Variants in DGKB observed in about 807,000 individuals in gnomAD.
The protein encoded by DGKB is 90 kDa diacylglycerol kinase.
DGKB carries 67 observed loss-of-function variants against 114.3 expected under a neutral mutation model. The ratio of observed to expected loss-of-function variants is 0.59; its 90% CI spans 0.48 to 0.72. The LOEUF is 0.72. DGKB is among the 30% of genes least tolerant of loss of function. The probability of loss-of-function intolerance (pLI) is 0.00; values close to 1 mark genes in which losing one functional copy is unlikely to be tolerated. For synonymous variants in DGKB, 398 were observed against 323.1 expected (o/e 1.23, Z -2.49); for missense variants, 907 against 975.2 (o/e 0.93, Z 0.93).
chr7:14,543,370 G>C (rs1373000644), intron 20 of DGKB, among the ~76,000 whole-genome samples: 1 of 151,984 alleles, frequency 6.6e-6, no homozygotes, highest in African/African-American at 2.4e-5. Context: ...CCTGAACTTA[G>C]GGAGGTTGAG....
intron 1 of DGKB, among the ~76,000 whole-genome samples, chr7:14,896,262 C>T (rs1782083507): frequency 6.6e-6 from 1 of 151,648 alleles, no homozygotes; most frequent in African/African-American, 2.4e-5. Flanking sequence ...CTTTCCTCAT[C>T]ATTTTAGGTA....
intron 1 of DGKB, among the ~76,000 whole-genome samples, chr7:14,951,853 C>G (rs548707081): frequency 6.6e-6 from 1 of 151,582 alleles, no homozygotes; most frequent in South Asian, 2.1e-4. Flanking sequence ...AAAAACAAAA[C>G]AAGTTAAAAA....
intron 23 of DGKB, among the ~76,000 whole-genome samples, chr7:14,292,170 A>G (rs553878291): frequency 6.6e-6 from 1 of 152,314 alleles, no homozygotes; most frequent in Admixed American, 6.5e-5. Flanking sequence ...GGGAAAATAC[A>G]AATTTTAAGG....
At chr7:14,971,831 C>T (rs982304411) in intron 1 of DGKB, among the ~76,000 whole-genome samples, 2 of 148,954 alleles carry the variant, frequency 1.3e-5, no homozygotes, top group South Asian at 2.1e-4. Flanking sequence ...GGCACAATCT[C>T]GGCTCACTGC....
At chr7:14,511,467 T>TTAGG (rs1787968544) in intron 20 of DGKB, among the ~76,000 whole-genome samples, 1 of 152,102 alleles carries the variant, frequency 6.6e-6, no homozygotes, top group Non-Finnish European at 1.5e-5. Flanking sequence ...CTGAAGAGAG[T>TTAGG]TAGGGTCTTG....
chr7:14,531,963 C>A (rs12673540), intron 20 of DGKB, among the ~76,000 whole-genome samples: 6 of 150,480 alleles, frequency 4.0e-5, no homozygotes, highest in African/African-American at 1.2e-4. Flanking sequence ...TAATTAGATA[C>A]CAATATGCAA....
At chr7:14,292,413 T>C (rs774575340) in intron 23 of DGKB, among the ~76,000 whole-genome samples, 2 of 152,174 alleles carry the variant, frequency 1.3e-5, no homozygotes, top group Non-Finnish European at 2.9e-5. Flanking sequence ...AATACTCCCA[T>C]TCTGTGTCAG....
intron 21 of DGKB, among the ~76,000 whole-genome samples, chr7:14,374,202 G>A (rs1196682631): frequency 6.6e-6 from 1 of 152,082 alleles, no homozygotes; most frequent in African/African-American, 2.4e-5. Flanking sequence ...CATACTTGAT[G>A]ACCTACAAAG....
intron 21 of DGKB, among the ~76,000 whole-genome samples, chr7:14,347,583 C>A (rs753721394): frequency 6.6e-6 from 1 of 151,800 alleles, no homozygotes; most frequent in Non-Finnish European, 1.5e-5. Context: ...TACATAGAAG[C>A]AAAGAGTACA....
intron 21 of DGKB, among the ~76,000 whole-genome samples, chr7:14,405,556 A>G (rs149469576): frequency 6.6e-6 from 1 of 152,180 alleles, no homozygotes; most frequent in East Asian, 1.9e-4. Context: ...AATCTGTATA[A>G]TGAATCTAAC....
chr7:14,571,594 A>G (rs1410281498), intron 20 of DGKB, among the ~76,000 whole-genome samples: 1 of 152,244 alleles, frequency 6.6e-6, no homozygotes, highest in African/African-American at 2.4e-5. Context: ...TTGCAAGGCT[A>G]CACAAATGCT....
intron 23 of DGKB, among the ~76,000 whole-genome samples, chr7:14,314,541 G>GATGAAATGA (rs1281932353): frequency 2.6e-5 from 4 of 152,054 alleles, no homozygotes; most frequent in Non-Finnish European, 1.5e-5. Context: ...AGCAATGGAA[G>GATGAAATGA]ATGAAATGAA....
intron 1 of DGKB, among the ~76,000 whole-genome samples, chr7:14,929,937 T>A (rs1055970425): frequency 1.3e-5 from 2 of 152,194 alleles, no homozygotes; most frequent in Admixed American, 6.5e-5. Context: ...TGCTTTTGCT[T>A]ACAGCAATCC....
chr7:14,931,930 C>T (rs1785039468), intron 1 of DGKB, among the ~76,000 whole-genome samples: 1 of 152,110 alleles, frequency 6.6e-6, no homozygotes, highest in African/African-American at 2.4e-5. Flanking sequence ...TGCAGGAGTC[C>T]ATTCCCTGCT....
At chr7:14,383,792 A>T (rs1019928138) in intron 21 of DGKB, among the ~76,000 whole-genome samples, 7 of 152,212 alleles carry the variant, frequency 4.6e-5, no homozygotes, top group Admixed American at 2.0e-4. Context: ...AAGAGGCTGG[A>T]AGGTGTTGTC....
intron 1 of DGKB, among the ~76,000 whole-genome samples, chr7:14,937,884 A>G (rs943843311): frequency 6.6e-6 from 1 of 152,112 alleles, no homozygotes; most frequent in Admixed American, 6.6e-5. Flanking sequence ...CTCTTCTTTA[A>G]TGATTTTCTT....
At chr7:14,150,339 A>G (rs972556580) in intron 25 of DGKB, among the ~76,000 whole-genome samples, 1 of 152,126 alleles carries the variant, frequency 6.6e-6, no homozygotes, top group Non-Finnish European at 1.5e-5. Context: ...TGCATACCTG[A>G]CATTTTCAAG....
At chr7:14,560,622 T>C (rs550713870) in intron 20 of DGKB, among the ~76,000 whole-genome samples, 2 of 152,354 alleles carry the variant, frequency 1.3e-5, no homozygotes, top group South Asian at 4.1e-4. Flanking sequence ...TGAGCAGTTA[T>C]ATTGCTTCTA....
chr7:14,195,209 G>A (rs117822625), intron 23 of DGKB, among the ~76,000 whole-genome samples: 2,272 of 152,230 alleles, frequency 0.015, 152 homozygotes, highest in Admixed American at 0.11. Context: ...TGAATGAGCC[G>A]TTAGTGTGTG....
Sources: allele counts gnomAD v4.1 joint callset (sites outside exome capture counted in the v4.1 genomes callset), GRCh38; gene constraint gnomAD v4.1.1; transcripts MANE v1.5; gene names NCBI Gene and HGNC (gene_info 2026-07-23, HGNC 2026-07-21).